MYO9A: variants seen among roughly 807,000 people sequenced by gnomAD.
The protein encoded by MYO9A is unconventional myosin-IXa.
MYO9A carries 103 observed loss-of-function variants against 293.3 expected under a neutral mutation model. The observed-to-expected ratio is 0.35, with a 90% CI of 0.30 to 0.41. The LOEUF (loss-of-function observed/expected upper bound fraction) is 0.41, where lower values mean the gene tolerates loss of function less well. MYO9A is among the 10% of genes least tolerant of loss of function. The probability of loss-of-function intolerance (pLI) is 1.00; values close to 1 mark genes in which losing one functional copy is unlikely to be tolerated. For missense variants in MYO9A, 2,685 were observed against 3,033.0 expected, an observed-to-expected ratio of 0.89 and a Z score of 2.69; for synonymous variants, 1,001 against 1,035.7, an observed-to-expected ratio of 0.97 and a Z score of 0.64.
intron 11 of MYO9A, among the ~76,000 whole-genome samples, chr15:71,987,602 T>C (rs2076438033): frequency 6.6e-6 from 1 of 152,170 alleles, no homozygotes; most frequent in South Asian, 2.1e-4. Context: ...CTTTACCTTA[T>C]ATCTGATTAT....
At chr15:72,027,559 C>T (rs1480179762) in intron 4 of MYO9A, among the ~76,000 whole-genome samples, 172 bp downstream of exon 4, 1 of 152,134 alleles carries the variant, frequency 6.6e-6, no homozygotes, top group African/African-American at 2.4e-5. Flanking sequence ...TAAAGATCTC[C>T]TAGCAGCCTC....
At chr15:72,111,470 C>T (rs2080776874) in intron 1 of MYO9A, among the ~76,000 whole-genome samples, 1 of 146,502 alleles carries the variant, frequency 6.8e-6, no homozygotes, top group African/African-American at 2.5e-5. Context: ...GCCTGGGTGA[C>T]AGAGTGAGAT....
In MYO9A at chr15:71,897,741, C is replaced by A. The variant is rs748635661; in HGVS notation, c.4762G>T (p.Asp1588Tyr). Residue 1588 changes from aspartate to tyrosine, a missense_variant, in exon 25 of 42, where the codon GAC becomes TAC. Coordinates refer to ENST00000356056, the MANE Select transcript of MYO9A (RefSeq NM_006901.4). The part of the protein sequence containing the change: ...SLKDAALAQK[D>Y]SSSAHLPPKD... Reference sequence around the variant, plus strand: ...GGGGGTAAGTGAGCAGAGGAACTGTCTTTTTGGGCAAGAGCTGCATCTTTT... The same window carrying A: ...GGGGGTAAGTGAGCAGAGGAACTGTATTTTTGGGCAAGAGCTGCATCTTTT... 3 of 1,613,934 alleles carry A rather than the reference C, an allele frequency of 1.9e-6. No individual in the cohort carries two copies. The highest frequency in any genetic ancestry group is 2.5e-6 in the Non-Finnish European group (3 of 1,180,014).
intron 3 of MYO9A, among the ~76,000 whole-genome samples, chr15:72,030,479 T>C (rs1013712609): frequency 6.6e-6 from 1 of 152,138 alleles, no homozygotes; most frequent in Non-Finnish European, 1.5e-5. Context: ...TATCCCATTC[T>C]ACATAATACA....
At chr15:72,024,293 A>T (rs1596403748) in intron 4 of MYO9A, among the ~76,000 whole-genome samples, 1 of 152,294 alleles carries the variant, frequency 6.6e-6, no homozygotes, top group Middle Eastern at 3.4e-3. Flanking sequence ...TAACTCATTG[A>T]TTGATTGATT....
intron 13 of MYO9A, among the ~76,000 whole-genome samples, chr15:71,966,513 T>C (rs1041398770): frequency 1.1e-4 from 16 of 152,156 alleles, no homozygotes; most frequent in African/African-American, 3.9e-4. Context: ...TTAATTTCTA[T>C]TCTAAAATCC....
In MYO9A at chr15:72,110,086, G is replaced by A. The variant is rs905468359; in HGVS notation, c.-72+7594C>T. 4.6e-5 allele frequency among the ~76,000 whole-genome samples: 7 copies of A among 151,068 alleles called. No individual in the cohort carries two copies. In the South Asian group the frequency reaches 1.5e-3, roughly 32 times the overall value. On this transcript the variant is annotated intron_variant, in intron 1 of 41. Coordinates refer to ENST00000356056, the MANE Select transcript of MYO9A (RefSeq NM_006901.4). The stretch of plus-strand genomic sequence containing the variant: ...AAGTGGGAGGACTGCTTGAGCCCAG[G>A]AGCTTGAGTCCAGCCTGGGCAATAC...
At chr15:71,897,277 C>T in intron 25 of MYO9A, 184 bp downstream of exon 25, 1 of 639,870 alleles carries the variant, frequency 1.6e-6, no homozygotes. Context: ...GTCAAGGATT[C>T]CTAGGATATA....
At chr15:71,992,773 T>C (rs943108386) in intron 10 of MYO9A, among the ~76,000 whole-genome samples, 1 of 151,720 alleles carries the variant, frequency 6.6e-6, no homozygotes, top group African/African-American at 2.4e-5. Context: ...ATTAAAAATA[T>C]AGTTAGAAAA....
At chr15:72,063,556 A>G (rs58123703) in intron 1 of MYO9A, among the ~76,000 whole-genome samples, 1,686 of 152,328 alleles carry the variant, frequency 0.011, 30 homozygotes, top group African/African-American at 0.038. Flanking sequence ...TAGGAAAAAA[A>G]TCTAAAAATC....
chr15:71,918,785 A>G (rs2058078541), intron 18 of MYO9A, among the ~76,000 whole-genome samples: 1 of 152,250 alleles, frequency 6.6e-6, no homozygotes, highest in Admixed American at 6.5e-5. Flanking sequence ...ATTGTTTTTC[A>G]CTATGAAAAA....
intron 19 of MYO9A, among the ~76,000 whole-genome samples, chr15:71,906,761 T>TCTTTTTTTTTTC (rs915669108): frequency 1.9e-5 from 2 of 103,602 alleles, no homozygotes; most frequent in African/African-American, 7.5e-5. Context: ...TTTCTTTCTT[T>TCTTTTTTTTTTC]TTTTTTTTTT....
intron 1 of MYO9A, among the ~76,000 whole-genome samples, chr15:72,101,213 C>T (rs2080297237): frequency 7.4e-6 from 1 of 134,314 alleles, no homozygotes. Context: ...GCCCCTCTGC[C>T]CGGCCAGCCG....
intron 1 of MYO9A, among the ~76,000 whole-genome samples, chr15:72,113,352 A>G (rs2080850208): frequency 6.6e-6 from 1 of 152,194 alleles, no homozygotes; most frequent in Admixed American, 6.5e-5. Context: ...AAGAAAGGGG[A>G]AAGTGGAAAT....
intron 12 of MYO9A, among the ~76,000 whole-genome samples, chr15:71,975,963 T>C (rs949352226): frequency 1.3e-5 from 2 of 152,182 alleles, no homozygotes; most frequent in Admixed American, 6.5e-5. Flanking sequence ...CCACACCTCG[T>C]CCTACGCAGC....
chr15:71,961,914 G>A (rs2075756290), intron 13 of MYO9A, among the ~76,000 whole-genome samples: 1 of 151,982 alleles, frequency 6.6e-6, no homozygotes, highest in Non-Finnish European at 1.5e-5. Flanking sequence ...TGTAGAGACA[G>A]AGTCTTGCCA....
chr15:71,894,612 A>T (rs2057271456), intron 25 of MYO9A, among the ~76,000 whole-genome samples: 1 of 152,164 alleles, frequency 6.6e-6, no homozygotes, highest in African/African-American at 2.4e-5. Context: ...AAAAAGCTTG[A>T]TGTTGAATAG....
chr15:72,000,023 GA>G, intron 8 of MYO9A, 83 bp from the exon 9 acceptor site: 1 of 1,119,064 alleles, frequency 8.9e-7, no homozygotes, highest in Non-Finnish European at 1.3e-6. Context: ...AATAGAGGAG[GA>G]AAAGCTTAAT....
At chr15:72,059,772 G>A (rs1032032288) in intron 1 of MYO9A, among the ~76,000 whole-genome samples, 9 of 152,192 alleles carry the variant, frequency 5.9e-5, no homozygotes, top group East Asian at 1.9e-4. Context: ...GAAAAGCATC[G>A]TCAGTTCAGT....
Sources: allele counts gnomAD v4.1 joint callset (sites outside exome capture counted in the v4.1 genomes callset), GRCh38; gene constraint gnomAD v4.1.1; transcripts MANE v1.5; gene names NCBI Gene and HGNC (gene_info 2026-07-23, HGNC 2026-07-21).